Variants in BMPER observed in about 807,000 individuals in gnomAD.
BMPER encodes BMP binding endothelial regulator.
Under a neutral mutation model 87.3 loss-of-function variants are expected in BMPER, and 45 were observed. That is an observed-to-expected ratio of 0.52 (90% CI 0.41 to 0.66). The LOEUF (loss-of-function observed/expected upper bound fraction) is 0.66, where lower values mean the gene tolerates loss of function less well. Among genes scored for constraint, BMPER ranks in the 30% least tolerant of loss-of-function variants. BMPER has a pLI of 0.00. For missense variants in BMPER, 784 were observed against 867.5 expected, an observed-to-expected ratio of 0.90 and a Z score of 1.21; for synonymous variants, 326 against 316.2, an observed-to-expected ratio of 1.03 and a Z score of -0.33.
At chr7:33,973,098 A>T (rs1785589097) in intron 5 of BMPER, among the ~76,000 whole-genome samples, 1 of 152,114 alleles carries the variant, frequency 6.6e-6, no homozygotes, top group East Asian at 1.9e-4. Flanking sequence ...CTTCCTTTTC[A>T]TTGGGCTCTT....
chr7:33,996,601 G>A (rs930211676), intron 6 of BMPER, among the ~76,000 whole-genome samples: 6 of 152,038 alleles, frequency 3.9e-5, no homozygotes, highest in Non-Finnish European at 8.8e-5. Flanking sequence ...GTTTATGATG[G>A]GAAGGTCTAC....
At chr7:33,992,758 G>T (rs1411499366) in intron 6 of BMPER, among the ~76,000 whole-genome samples, 2 of 148,700 alleles carry the variant, frequency 1.3e-5, no homozygotes, top group African/African-American at 5.0e-5. Context: ...GCTGGTACCG[G>T]TTGCTCCTTT....
chr7:34,110,452 G>A (rs954500182), intron 13 of BMPER, among the ~76,000 whole-genome samples: 6 of 152,144 alleles, frequency 3.9e-5, no homozygotes, highest in African/African-American at 4.8e-5. Flanking sequence ...GTGCCAGATT[G>A]CGAAGCCTCC....
chr7:34,094,567 A>G (rs889141382), intron 13 of BMPER, among the ~76,000 whole-genome samples: 1 of 152,214 alleles, frequency 6.6e-6, no homozygotes, highest in Non-Finnish European at 1.5e-5. Context: ...GGACAAGTAC[A>G]ATGGTACGAA....
intron 14 of BMPER, among the ~76,000 whole-genome samples, chr7:34,145,657 T>G (rs1790997932): frequency 6.6e-6 from 1 of 151,980 alleles, no homozygotes; most frequent in Admixed American, 6.6e-5. Context: ...ATAAATGGAG[T>G]CAAGTTTGAT....
At chr7:34,112,868 T>A (rs35916620) in intron 13 of BMPER, among the ~76,000 whole-genome samples, 25,040 of 152,056 alleles carry the variant, frequency 0.16, 2,297 homozygotes, top group Non-Finnish European at 0.2. Context: ...TATCTAATCA[T>A]TTTGTTAATG....
chr7:33,905,808 GGCGCTGGCTTGC>G, intron 1 of BMPER, 62 bp downstream of exon 1: 1 of 1,484,882 alleles, frequency 6.7e-7, no homozygotes. Context: ...TGGGAAAGGT[GGCGCTGGCTTGC>G]CCCGGGGATG....
At chr7:34,129,601 AGAGAGAGAAAGAGAGAGAGAG>A (rs1790504089) in intron 13 of BMPER, among the ~76,000 whole-genome samples, 8 of 130,392 alleles carry the variant, frequency 6.1e-5, no homozygotes, top group Non-Finnish European at 1.1e-4. Flanking sequence ...AGAGAGAGAG[AGAGAGAGAAAGAGAGAGAGAG>A]AGAAAGAGAG....
intron 6 of BMPER, among the ~76,000 whole-genome samples, chr7:34,013,816 A>G (rs1266785525): frequency 6.6e-6 from 1 of 151,912 alleles, no homozygotes; most frequent in Non-Finnish European, 1.5e-5. Context: ...CCTATGAGTT[A>G]TAGCAGCCAT....
chr7:34,054,252 A>T (rs1023595723), intron 8 of BMPER, among the ~76,000 whole-genome samples: 4 of 152,128 alleles, frequency 2.6e-5, no homozygotes, highest in African/African-American at 9.7e-5. Context: ...CAGTCTAATG[A>T]TATGTACATA....
rs1785401916 is a variant in BMPER at position 33,966,186 on chromosome 7, C to G, written c.320-293C>G. Among the ~76,000 whole-genome samples, 3 of 152,144 alleles carry G rather than the reference C, an allele frequency of 2.0e-5. No individual in the cohort carries two copies. The South Asian group carries it at 6.2e-4, about 31-fold the overall frequency. On this transcript the variant is annotated intron_variant, in intron 3 of 14. Transcript: ENST00000649409. ...TCCTCATACATCATTAGGCATAAAT[C>G]AAGTCACGAGGTTATACATTTTGGC... is the stretch of plus-strand genomic sequence containing the variant.
chr7:33,988,422 A>C (rs1016394122), intron 6 of BMPER, among the ~76,000 whole-genome samples: 1 of 152,200 alleles, frequency 6.6e-6, no homozygotes, highest in African/African-American at 2.4e-5. Context: ...CTGAATGGAC[A>C]GAACATATGC....
At chr7:34,048,747 A>T (rs891259514) in intron 7 of BMPER, among the ~76,000 whole-genome samples, 3 of 152,228 alleles carry the variant, frequency 2.0e-5, no homozygotes, top group Admixed American at 6.5e-5. Flanking sequence ...ATACTACAAA[A>T]GGAACAATAA....
At chr7:34,033,491 G>A (rs1787583409) in intron 6 of BMPER, among the ~76,000 whole-genome samples, 1 of 152,114 alleles carries the variant, frequency 6.6e-6, no homozygotes, top group Non-Finnish European at 1.5e-5. Context: ...TAAAAAAAAA[G>A]CTAAGTGTTC....
chr7:33,947,785 G>GT (rs1562647353), intron 3 of BMPER, among the ~76,000 whole-genome samples: 1 of 152,064 alleles, frequency 6.6e-6, no homozygotes, highest in African/African-American at 2.4e-5. Flanking sequence ...GTTGCCTTTT[G>GT]TATAGTATAA....
At chr7:34,081,802 G>A (rs1020567872) in intron 12 of BMPER, among the ~76,000 whole-genome samples, 3 of 151,926 alleles carry the variant, frequency 2.0e-5, no homozygotes, top group African/African-American at 4.8e-5. Flanking sequence ...CCTTTCTTTG[G>A]TGTAAAATTT....
chr7:34,058,244 G>A lies in BMPER; in HGVS notation c.1032+81G>A, dbSNP rs116032698. 0.04 allele frequency: 51,333 copies of A among 1,296,924 alleles called. 1,130 individuals carry two copies. The highest frequency in any genetic ancestry group is 0.057 in the Middle Eastern group (246 of 4,296). The allele number at this position is 1,296,924 out of a possible 1,614,324, so 80.3% of individuals were successfully genotyped here. On this transcript the variant is annotated intron_variant, in intron 10 of 14. Transcript: ENST00000649409. ...GTGGCACAGTCGCATGCCATCTTCCGAACACAGACTCCAGCTCCCCCAAAG... is the reference window on the plus strand; with the variant it reads ...GTGGCACAGTCGCATGCCATCTTCCAAACACAGACTCCAGCTCCCCCAAAG...
At chr7:34,090,658 T>C (rs1789355764) in intron 13 of BMPER, among the ~76,000 whole-genome samples, 1 of 152,164 alleles carries the variant, frequency 6.6e-6, no homozygotes, top group Non-Finnish European at 1.5e-5. Context: ...ATACCAGCAA[T>C]GGGCTTTTTC....
chr7:33,922,119 G>GCT (rs375716793), intron 2 of BMPER: 246 of 257,338 alleles, frequency 9.6e-4, no homozygotes, highest in African/African-American at 5.2e-3. Context: ...AGCCGACCAG[G>GCT]CTCTGATTCC....
Sources: gnomAD v4.1 joint callset for allele counts (sites outside exome capture counted in the v4.1 genomes callset) on GRCh38, gnomAD v4.1.1 for gene constraint, MANE v1.5 for transcripts, NCBI Gene and HGNC (gene_info 2026-07-23, HGNC 2026-07-21) for gene names.